The following ASTN2 variants were observed in gnomAD, a reference collection of about 807,000 sequenced individuals.
ASTN2 encodes astrotactin-2.
Under a neutral mutation model 139.8 loss-of-function variants are expected in ASTN2, and 54 were observed. The observed-to-expected ratio is 0.39, with a 90% confidence interval of 0.31 to 0.48. The LOEUF (loss-of-function observed/expected upper bound fraction) is 0.48. ASTN2 is among the 20% of genes least tolerant of loss of function. ASTN2 has a pLI of 0.95. For missense variants in ASTN2, 1,565 were observed against 1,725.1 expected (o/e 0.91, Z 1.64); for synonymous variants, 756 against 719.5 (o/e 1.05, Z -0.81).
rs971224149 is a variant in ASTN2 at position 116,718,972 on chromosome 9, GTACATA to G, written c.2806+6793_2806+6798del. Among the ~76,000 whole-genome samples the G allele has an allele frequency of 2.0e-4, 20 of 100,052 alleles. 1 individual carries two copies. The highest frequency in any genetic ancestry group is 8.3e-4 in the Admixed American group (7 of 8,418). 65.6% of individuals were successfully genotyped at this position (100,052 alleles called of 152,430 possible). A position where few individuals can be genotyped will look rare whatever the true frequency, so the allele number is the denominator to read the frequency against. On this transcript the variant is annotated intron_variant, in intron 16 of 22. Transcript: ENST00000313400. ...TATTTACATATCTATACCTGTATCTGTACATATATATATATATATCTGCCTATAAGT... is the reference window on the plus strand; with the variant it reads ...TATTTACATATCTATACCTGTATCTGTATATATATATATCTGCCTATAAGT...
intron 17 of ASTN2, among the ~76,000 whole-genome samples, chr9:116,637,678 C>G (rs1564173333): frequency 6.6e-6 from 1 of 152,128 alleles, no homozygotes; most frequent in Non-Finnish European, 1.5e-5. Flanking sequence ...GTAGTACATG[C>G]CTGTAATCCC....
chr9:116,446,225 GAGAGAC>G (rs145239991), intron 20 of ASTN2, among the ~76,000 whole-genome samples: 2,585 of 150,780 alleles, frequency 0.017, 66 homozygotes, highest in African/African-American at 0.052. Context: ...CAGGGACAGA[GAGAGAC>G]AGAGACAGAG....
chr9:117,047,252 G>C (rs12001099), intron 5 of ASTN2, among the ~76,000 whole-genome samples: 42,384 of 152,032 alleles, frequency 0.28, 6,048 homozygotes, highest in Middle Eastern at 0.4. Flanking sequence ...TATCCTCAGC[G>C]TGTCTCTTAT....
chr9:117,044,992 C>T (rs1429475771), intron 5 of ASTN2, among the ~76,000 whole-genome samples: 1 of 152,082 alleles, frequency 6.6e-6, no homozygotes, highest in Non-Finnish European at 1.5e-5. Context: ...GAGAACTAGT[C>T]CTGTTCCAGC....
At chr9:117,326,352 C>T (rs1828518545) in intron 1 of ASTN2, among the ~76,000 whole-genome samples, 1 of 152,034 alleles carries the variant, frequency 6.6e-6, no homozygotes, top group Non-Finnish European at 1.5e-5. Context: ...ATGTTAATGG[C>T]AGAGTCAAGA....
chr9:117,257,751 T>C (rs148582555), intron 2 of ASTN2, among the ~76,000 whole-genome samples: 5 of 152,150 alleles, frequency 3.3e-5, no homozygotes, highest in Non-Finnish European at 5.9e-5. Context: ...TCCCACAACA[T>C]AGGAGAAATG....
At chr9:116,565,325 T>C (rs1361078923) in intron 19 of ASTN2, among the ~76,000 whole-genome samples, 1 of 136,834 alleles carries the variant, frequency 7.3e-6, no homozygotes, top group East Asian at 2.1e-4. Flanking sequence ...TATAATACAT[T>C]CAGGATAATG....
At chr9:116,528,048 T>C (rs1851170613) in intron 19 of ASTN2, among the ~76,000 whole-genome samples, 1 of 152,204 alleles carries the variant, frequency 6.6e-6, no homozygotes, top group South Asian at 2.1e-4. Context: ...GCTACAAAGA[T>C]ACCTGAAAAC....
At chr9:117,047,457 A>G (rs1187845944) in intron 5 of ASTN2, among the ~76,000 whole-genome samples, 2 of 152,066 alleles carry the variant, frequency 1.3e-5, no homozygotes, top group Admixed American at 6.6e-5. Flanking sequence ...TTTCCCCAAT[A>G]TCTTATCATC....
chr9:117,234,157 G>A (rs1832976647), intron 2 of ASTN2, among the ~76,000 whole-genome samples: 1 of 152,170 alleles, frequency 6.6e-6, no homozygotes, highest in Admixed American at 6.6e-5. Context: ...CAGAGGGCAA[G>A]AGGGTAGAGA....
intron 1 of ASTN2, among the ~76,000 whole-genome samples, chr9:117,365,422 T>C (rs1829817624): frequency 6.6e-6 from 1 of 152,192 alleles, no homozygotes; most frequent in Admixed American, 6.5e-5. Context: ...TCACTCATGC[T>C]ATATGTTCAT....
chr9:117,393,758 G>T (rs532527684), intron 1 of ASTN2, among the ~76,000 whole-genome samples: 3 of 152,138 alleles, frequency 2.0e-5, no homozygotes, highest in African/African-American at 7.2e-5. Context: ...AGGCTCTGAG[G>T]TGGAATGGGC....
At chr9:117,283,618 G>A (rs1052119632) in intron 2 of ASTN2, among the ~76,000 whole-genome samples, 1 of 152,184 alleles carries the variant, frequency 6.6e-6, no homozygotes, top group African/African-American at 2.4e-5. Context: ...TGGTGGCACA[G>A]CAGAGACACA....
At chr9:116,682,915 T>C (rs932384201) in intron 16 of ASTN2, among the ~76,000 whole-genome samples, 2 of 151,934 alleles carry the variant, frequency 1.3e-5, no homozygotes, top group African/African-American at 4.8e-5. Context: ...TTAGGAGACA[T>C]ACCTAATGCT....
chr9:117,299,235 C>G (rs908570602), intron 1 of ASTN2, among the ~76,000 whole-genome samples: 1 of 152,104 alleles, frequency 6.6e-6, no homozygotes, highest in Admixed American at 6.6e-5. Context: ...CTTTTCTCTA[C>G]GTTTTTTATA....
At chr9:117,022,892 C>T (rs1218665978) in intron 6 of ASTN2, among the ~76,000 whole-genome samples, 1 of 152,022 alleles carries the variant, frequency 6.6e-6, no homozygotes, top group Non-Finnish European at 1.5e-5. Flanking sequence ...AGAAGACCAC[C>T]TGTCCCGGGT....
chr9:117,025,712 A>T (rs1838048933), intron 6 of ASTN2, among the ~76,000 whole-genome samples: 1 of 152,152 alleles, frequency 6.6e-6, no homozygotes, highest in Non-Finnish European at 1.5e-5. Flanking sequence ...CTCGCAGGAC[A>T]CAGTGACATC....
At chr9:116,697,123 A>G (rs1254405562) in intron 16 of ASTN2, among the ~76,000 whole-genome samples, 1 of 152,216 alleles carries the variant, frequency 6.6e-6, no homozygotes, top group Admixed American at 6.5e-5. Flanking sequence ...ACTGTACTCC[A>G]GCAGAACATT....
chr9:117,300,703 T>C (rs990928239), intron 1 of ASTN2, among the ~76,000 whole-genome samples: 1 of 152,154 alleles, frequency 6.6e-6, no homozygotes, highest in African/African-American at 2.4e-5. Context: ...ATGCCAATGG[T>C]ATGCTAGGTT....
Sources: gnomAD v4.1 joint callset for allele counts (sites outside exome capture counted in the v4.1 genomes callset) on GRCh38, gnomAD v4.1.1 for gene constraint, MANE v1.5 for transcripts, NCBI Gene and HGNC (gene_info 2026-07-23, HGNC 2026-07-21) for gene names.